NFATC1: variants seen among roughly 807,000 people sequenced by gnomAD.
The protein encoded by NFATC1 is nuclear factor of activated T-cells, cytoplasmic 1.
In NFATC1, 22 loss-of-function variants were observed where a neutral mutation model predicts 76.0. The observed-to-expected ratio is 0.29, with a 90% CI of 0.21 to 0.41. NFATC1 has a LOEUF of 0.41. Among genes scored for constraint, NFATC1 ranks in the 10% least tolerant of loss-of-function variants. The pLI is 1.00. For missense variants in NFATC1, 1,357 were observed against 1,337.7 expected, an observed-to-expected ratio of 1.01 and a Z score of -0.23; for synonymous variants, 704 against 613.1, an observed-to-expected ratio of 1.15 and a Z score of -2.19.
intron 9 of NFATC1, chr18:79,496,693 C>T (rs1036047564): frequency 6.6e-6 from 1 of 152,300 alleles, no homozygotes; most frequent in Non-Finnish European, 1.5e-5. Flanking sequence ...GAGAGACTCA[C>T]TCCTGAGGTC....
chr18:79,478,338 C>T (rs898301375), intron 8 of NFATC1, among the ~76,000 whole-genome samples: 2 of 152,088 alleles, frequency 1.3e-5, no homozygotes, highest in African/African-American at 4.8e-5. Context: ...AGCTGTCCCC[C>T]GGGAGCCAGG....
chr18:79,422,150 T>C (rs896666998), intron 2 of NFATC1: 1 of 152,244 alleles, frequency 6.6e-6, no homozygotes, highest in Non-Finnish European at 1.5e-5. Flanking sequence ...GCTGAGAAGA[T>C]TGAGTGAACT....
At chr18:79,399,982 T>TAA (rs201423108) in intron 1 of NFATC1, among the ~76,000 whole-genome samples, 2 of 149,196 alleles carry the variant, frequency 1.3e-5, no homozygotes, top group Non-Finnish European at 3.0e-5. Flanking sequence ...AAAAAAAACT[T>TAA]AAAAAAAAAA....
chr18:79,426,318 G>A (rs116320937), intron 2 of NFATC1, among the ~76,000 whole-genome samples: 3,769 of 149,892 alleles, frequency 0.025, 164 homozygotes, highest in African/African-American at 0.086. Flanking sequence ...AATCCCTCAC[G>A]CCCTTCCCAG....
chr18:79,414,195 C>A (rs540998137), intron 2 of NFATC1, among the ~76,000 whole-genome samples: 1 of 152,162 alleles, frequency 6.6e-6, no homozygotes, highest in Admixed American at 6.5e-5. Context: ...AGGAATGCCT[C>A]TCCGTCGGTC....
At chr18:79,406,768 G>T (rs756371982) in intron 1 of NFATC1, among the ~76,000 whole-genome samples, 1 of 151,970 alleles carries the variant, frequency 6.6e-6, no homozygotes, top group Non-Finnish European at 1.5e-5. Context: ...AAACCCCCTC[G>T]TGGGTCCCCC....
chr18:79,452,686 C>A (rs1351881393), intron 6 of NFATC1, among the ~76,000 whole-genome samples: 1 of 152,194 alleles, frequency 6.6e-6, no homozygotes, highest in Non-Finnish European at 1.5e-5. Context: ...GGACCCTAGC[C>A]CAGCCCTCAA....
chr18:79,488,895 T>C lies in NFATC1; in HGVS notation c.2782+1958T>C, dbSNP rs578259893. 1.5e-4 allele frequency among the ~76,000 whole-genome samples: 23 copies of C among 151,912 alleles called. No homozygotes were observed. In the South Asian group the frequency reaches 4.6e-3, roughly 30 times the overall value. ...CCAGGTGGGAAGCAGGTCCCGGTCA[T>C]GTTTCTGCTGCCCTGTGGCCCACGT... On this transcript the variant is annotated intron_variant, in intron 9 of 9. Coordinates refer to ENST00000427363, the MANE Select transcript of NFATC1 (RefSeq NM_001278669.2).
intron 9 of NFATC1, among the ~76,000 whole-genome samples, chr18:79,514,771 T>C (rs1382603979): frequency 6.6e-6 from 1 of 151,694 alleles, no homozygotes. Context: ...TGGGGCTGGG[T>C]ACAGTGGCTC....
rs148883877 is a variant in NFATC1, at chr18:79,484,552, C to T, written c.2093-1696C>T. Among the ~76,000 whole-genome samples, 5 of 152,186 alleles carry T rather than the reference C, an allele frequency of 3.3e-5. No individual in the cohort carries two copies. The East Asian group carries it at 7.7e-4, about 24-fold the overall frequency. ...CGATCTCCCCACTCAGTGTGCAGGG[C>T]GGACGCTTTAAACCTCGATCTTTCT... is the stretch of plus-strand genomic sequence containing the variant. On this transcript the variant is annotated intron_variant, in intron 8 of 9. Transcript: ENST00000427363.
chr18:79,487,967 C>T (rs530447470), intron 9 of NFATC1, among the ~76,000 whole-genome samples: 9 of 152,298 alleles, frequency 5.9e-5, no homozygotes, highest in Admixed American at 1.3e-4. Context: ...TTCCCAGGCC[C>T]GGGTTCCAGC....
intron 9 of NFATC1, among the ~76,000 whole-genome samples, chr18:79,491,543 A>G (rs1191028959): frequency 6.6e-6 from 1 of 152,230 alleles, no homozygotes; most frequent in Non-Finnish European, 1.5e-5. Flanking sequence ...CCGATCGGAC[A>G]CAAGGCCAGG....
At chr18:79,443,913 C>T (rs1254313808) in intron 3 of NFATC1, among the ~76,000 whole-genome samples, 5 of 152,202 alleles carry the variant, frequency 3.3e-5, no homozygotes, top group Admixed American at 2.6e-4. Flanking sequence ...CCCTGCCTGC[C>T]AGGGCTCATG....
intron 9 of NFATC1, among the ~76,000 whole-genome samples, chr18:79,510,504 T>G (rs1259386892): frequency 2.6e-5 from 4 of 152,222 alleles, no homozygotes; most frequent in Non-Finnish European, 5.9e-5. Flanking sequence ...TGGAGGGCTC[T>G]TGCGTTTGGA....
rs1183533737 is a variant in NFATC1 at position 79,464,710 on chromosome 18, A to AT, written c.1960-2727dup. Reference sequence around the variant, plus strand: ...TATATATATATTTATTTATTTATTTATTTTTTTTTTTTTGAGACAGGGTCT... The same window carrying AT: ...TATATATATATTTATTTATTTATTTATTTTTTTTTTTTTTGAGACAGGGTCT... On this transcript the variant is annotated intron_variant, in intron 7 of 9. Transcript: ENST00000427363. Among the ~76,000 whole-genome samples, 234 of 92,032 alleles carry AT rather than the reference A, an allele frequency of 2.5e-3. 30 individuals carry two copies. Among genetic ancestry groups the AT allele is most frequent in the South Asian group, 7.3e-3 (23 of 3,166 alleles). 60.4% of individuals were successfully genotyped at this position (92,032 alleles called of 152,430 possible). A position where few individuals can be genotyped will look rare whatever the true frequency, so the allele number is the denominator to read the frequency against.
At chr18:79,490,157 G>A (rs73496398) in intron 9 of NFATC1, among the ~76,000 whole-genome samples, 7,112 of 152,262 alleles carry the variant, frequency 0.047, 508 homozygotes, top group African/African-American at 0.16. Context: ...CAGGCGGGGC[G>A]CATGGCAGAG....
chr18:79,469,276 G>A, intron 8 of NFATC1: 1 of 967,860 alleles, frequency 1.0e-6, no homozygotes, highest in African/African-American at 1.8e-5. Flanking sequence ...TTATAGAGAA[G>A]GATTGCTTTC....
At chr18:79,434,250 C>T (rs1382206844) in intron 3 of NFATC1, among the ~76,000 whole-genome samples, 1 of 152,198 alleles carries the variant, frequency 6.6e-6, no homozygotes, top group Non-Finnish European at 1.5e-5. Context: ...ACATCCCTGC[C>T]GGGGTAGGCC....
At chr18:79,483,568 A>C in intron 8 of NFATC1, among the ~76,000 whole-genome samples, 1 of 116,828 alleles carries the variant, frequency 8.6e-6, no homozygotes, top group Non-Finnish European at 1.7e-5. Context: ...CTGGGGTGTC[A>C]CTCCGGCGTG....
Sources: gnomAD v4.1 joint callset for allele counts (sites outside exome capture counted in the v4.1 genomes callset) on GRCh38, gnomAD v4.1.1 for gene constraint, MANE v1.5 for transcripts, NCBI Gene and HGNC (gene_info 2026-07-23, HGNC 2026-07-21) for gene names.